TMPRSS15: variants seen among roughly 807,000 people sequenced by gnomAD.
TMPRSS15 encodes enteropeptidase.
Under a neutral mutation model 125.3 loss-of-function variants are expected in TMPRSS15, and 128 were observed. The observed-to-expected ratio is 1.02, with a 90% CI of 0.89 to 1.18. TMPRSS15 has a LOEUF of 1.18. TMPRSS15 is among the 50% of genes most tolerant of loss of function. TMPRSS15 has a pLI of 0.00. For synonymous variants in TMPRSS15, 446 were observed against 423.2 expected (o/e 1.05, Z -0.66); for missense variants, 1,283 against 1,212.7 (o/e 1.06, Z -0.86).
chr21:18,381,227 A>T (rs1200102834), intron 4 of TMPRSS15, among the ~76,000 whole-genome samples: 1 of 152,146 alleles, frequency 6.6e-6, no homozygotes, highest in Non-Finnish European at 1.5e-5. Flanking sequence ...TCTACTAACT[A>T]GGTGGTTTAT....
chr21:18,386,338 C>T (rs1399533176), intron 3 of TMPRSS15, among the ~76,000 whole-genome samples: 3 of 152,096 alleles, frequency 2.0e-5, no homozygotes, highest in Non-Finnish European at 2.9e-5. Context: ...TTCCCATCCC[C>T]CCACACTCAA....
intron 21 of TMPRSS15, among the ~76,000 whole-genome samples, chr21:18,281,680 T>C (rs1276561528): frequency 1.3e-5 from 2 of 152,192 alleles, no homozygotes; most frequent in Non-Finnish European, 2.9e-5. Context: ...TTAGGTCACA[T>C]TTCACTGTGG....
chr21:18,465,965 G>A (rs1165021342), intron 1 of TMPRSS15, among the ~76,000 whole-genome samples: 1 of 152,120 alleles, frequency 6.6e-6, no homozygotes, highest in Non-Finnish European at 1.5e-5. Context: ...ACAATCCTAA[G>A]CGAAAAGAAC....
At position 18,275,360 on chromosome 21, in the gene TMPRSS15, C is replaced by T. The variant is rs764503512; in HGVS notation, c.2765-24G>A. ...ACCTGCTCAAAATGGAGAATGCAGC[C>T]AGCCAGTCAGAAGTGATCAACATGC... On this transcript the variant is annotated intron_variant, in intron 23 of 24. Coordinates refer to ENST00000284885, the MANE Select transcript of TMPRSS15 (RefSeq NM_002772.3). 14 of 1,613,130 alleles carry T rather than the reference C, an allele frequency of 8.7e-6. No homozygotes were observed. The African/African-American group carries it at 1.7e-4, about 20-fold the overall frequency.
chr21:18,447,934 T>C (rs1168163594), intron 1 of TMPRSS15, among the ~76,000 whole-genome samples: 1 of 152,162 alleles, frequency 6.6e-6, no homozygotes. Flanking sequence ...TTCACCCCTG[T>C]TAGAATGTCT....
chr21:18,429,365 T>G (rs2076211383), intron 1 of TMPRSS15, among the ~76,000 whole-genome samples: 1 of 152,138 alleles, frequency 6.6e-6, no homozygotes, highest in African/African-American at 2.4e-5. Flanking sequence ...GGTTTTGAAA[T>G]GTGGGGACAT....
At chr21:18,294,752 A>G in intron 19 of TMPRSS15, 100 bp from the exon 20 acceptor site, 1 of 1,014,722 alleles carries the variant, frequency 9.9e-7, no homozygotes, top group South Asian at 1.3e-5. Flanking sequence ...TAAAATGGAC[A>G]TCTTAATGTC....
intron 1 of TMPRSS15, among the ~76,000 whole-genome samples, chr21:18,433,674 A>AAG (rs1226107955): frequency 6.6e-6 from 1 of 151,082 alleles, no homozygotes; most frequent in Admixed American, 6.6e-5. Context: ...AAAAAAAAAA[A>AAG]AAAAAAAAAA....
rs1465627955 is a variant in TMPRSS15, at chr21:18,343,645, T to C, written c.1289A>G (p.Tyr430Cys). The C allele has an allele frequency of 1.2e-6, 2 of 1,613,462 alleles. No homozygotes were observed. Among genetic ancestry groups the C allele is most frequent in the Non-Finnish European group, 1.7e-6 (2 of 1,179,708 alleles). ...PACLSFWYHM[Y>C]GENVHKLSIN... The stretch of plus-strand genomic sequence containing the variant: ...GCTTAATTTATGGACATTTTCACCA[T>C]ACATATGATACCTAGTTTGGAAAGA... Residue 430 changes from tyrosine (Y) to cysteine (C), a missense_variant, in exon 12 of 25, where the codon TAT becomes TGT. Transcript: ENST00000284885.
At chr21:18,416,640 G>A (rs912144702) in intron 1 of TMPRSS15, among the ~76,000 whole-genome samples, 2 of 151,986 alleles carry the variant, frequency 1.3e-5, no homozygotes, top group Admixed American at 6.6e-5. Context: ...TAGCCAAAAT[G>A]TGAAACTCTT....
chr21:18,290,072 C>G (rs1287064442), intron 21 of TMPRSS15, among the ~76,000 whole-genome samples: 2 of 152,116 alleles, frequency 1.3e-5, no homozygotes, highest in Admixed American at 6.5e-5. Flanking sequence ...TTTTTGTGTT[C>G]CAGGCTTTCC....
At position 18,341,285 on chromosome 21, in the gene TMPRSS15, G is replaced by T. The variant is rs114198211; in HGVS notation, c.1564+128C>A. ...AGAGTCTCGCTGTAATCCTCAGGCTGGTCTCAAACTCCTGGCTTCAAGCAA... is the reference window on the plus strand; with the variant it reads ...AGAGTCTCGCTGTAATCCTCAGGCTTGTCTCAAACTCCTGGCTTCAAGCAA... On this transcript the variant is annotated intron_variant, in intron 13 of 24. Transcript: ENST00000284885. The T allele has an allele frequency of 3.6e-3, 3,921 of 1,094,414 alleles. 29 individuals are homozygous for T. Among genetic ancestry groups the T allele is most frequent in the African/African-American group, 0.023 (1,507 of 64,414 alleles). The allele number at this position is 1,094,414 out of a possible 1,614,324, so 67.8% of individuals were successfully genotyped here.
At chr21:18,290,001 T>G (rs6517805) in intron 21 of TMPRSS15, among the ~76,000 whole-genome samples, 122,626 of 152,206 alleles carry the variant, frequency 0.81, 49,631 homozygotes, top group Non-Finnish European at 0.83. Flanking sequence ...AAAACAAATA[T>G]GAAACCTTGG....
intron 5 of TMPRSS15, among the ~76,000 whole-genome samples, chr21:18,377,419 T>A (rs2123031503): frequency 6.6e-6 from 1 of 152,202 alleles, no homozygotes; most frequent in South Asian, 2.1e-4. Flanking sequence ...GGAGTAGGGA[T>A]CTAATATTGG....
At position 18,413,294 on chromosome 21, in the gene TMPRSS15, TTTC is replaced by T. The variant is rs1382233378; in HGVS notation, c.11-14968_11-14966del. On this transcript the variant is annotated intron_variant, in intron 1 of 7. Transcript: ENST00000422787. ...TTTCTTTTTCTTTTTCTTTCTTTCT[TTTC>T]TTTCTTTTCTTTCTTTTCCTTCCTT... Among the ~76,000 whole-genome samples, 198 of 72,222 alleles carry T rather than the reference TTTC, an allele frequency of 2.7e-3. 10 individuals carry two copies. In the East Asian group the frequency reaches 0.049, roughly 18 times the overall value. 47.4% of individuals were successfully genotyped at this position (72,222 alleles called of 152,430 possible).
intron 23 of TMPRSS15, among the ~76,000 whole-genome samples, chr21:18,276,175 TGAAG>T (rs1458362407): frequency 1.3e-5 from 2 of 152,152 alleles, no homozygotes; most frequent in Non-Finnish European, 2.9e-5. Flanking sequence ...ACTAAAAAGA[TGAAG>T]GAAGCAAAAA....
Position 18,382,203 on chromosome 21 carries a change from A to T in TMPRSS15, c.496+1424T>A, listed in dbSNP as rs932135591. 1.1e-4 allele frequency among the ~76,000 whole-genome samples: 17 copies of T among 152,110 alleles called. 1 individual carries two copies. The highest frequency in any genetic ancestry group is 1.5e-5 in the Non-Finnish European group (1 of 67,996). On this transcript the variant is annotated intron_variant, in intron 4 of 24. Transcript: ENST00000284885. Reference sequence around the variant, plus strand: ...TATCTGTGTTTTGGTCTTCTCCCTGATTGGGGGATAGTAATGACATCACAT... The same window carrying T: ...TATCTGTGTTTTGGTCTTCTCCCTGTTTGGGGGATAGTAATGACATCACAT...
intron 1 of TMPRSS15, among the ~76,000 whole-genome samples, chr21:18,430,519 TC>T (rs2076214362): frequency 6.6e-6 from 1 of 152,202 alleles, no homozygotes; most frequent in Non-Finnish European, 1.5e-5. Context: ...TGGGCATTTT[TC>T]AGCTTGTCCA....
At chr21:18,410,493 T>C (rs1311848540) in intron 1 of TMPRSS15, among the ~76,000 whole-genome samples, 3 of 152,098 alleles carry the variant, frequency 2.0e-5, no homozygotes, top group Non-Finnish European at 4.4e-5. Flanking sequence ...TGCTTACCAG[T>C]CACCTGTTTT....
Sources: gnomAD v4.1 joint callset for allele counts (sites outside exome capture counted in the v4.1 genomes callset) on GRCh38, gnomAD v4.1.1 for gene constraint, MANE v1.5 for transcripts, NCBI Gene and HGNC (gene_info 2026-07-23, HGNC 2026-07-21) for gene names.